The following TNK2 variants were observed in gnomAD, a reference collection of about 807,000 sequenced individuals.
TNK2 encodes the protein tyrosine kinase non receptor 2, also known as activated CDC42 kinase 1.
In TNK2, 83 loss-of-function variants were observed where a neutral mutation model predicts 101.8. The ratio of observed to expected loss-of-function variants is 0.82; its 90% CI spans 0.68 to 0.98. The LOEUF is 0.98. Among genes scored for constraint, TNK2 ranks in the 50% least tolerant of loss-of-function variants. The probability of loss-of-function intolerance (pLI) is 0.00; values close to 1 mark genes in which losing one functional copy is unlikely to be tolerated. For synonymous variants in TNK2, 804 were observed against 633.0 expected (o/e 1.27, Z -4.06); for missense variants, 1,665 against 1,483.2 (o/e 1.12, Z -2.01).
At position 195,867,358 on chromosome 3, in the gene TNK2, C is replaced by T. The variant is rs1404307318; in HGVS notation, c.2937+3G>A. ...TTCGCCCACAGCCAGGCTGGGTGCT[C>T]ACCATCTGGATCTTGTCTGCTGGCC... On this transcript the variant is annotated splice_donor_region_variant and intron_variant, in intron 13 of 15. Transcript: ENST00000672887. 2.5e-6 allele frequency: 4 copies of T among 1,607,582 alleles called. No individual in the cohort carries two copies. Among genetic ancestry groups the T allele is most frequent in the African/African-American group, 1.3e-5 (1 of 74,982 alleles).
At position 195,885,152 on chromosome 3, in the gene TNK2, T is replaced by A; in HGVS notation, c.235-119A>T. On this transcript the variant is annotated intron_variant, in intron 3 of 15. Transcript: ENST00000672887. This position sits in a 1 kb window ranked among gnomAD's most constrained non-coding sequence, Gnocchi z 4.7. ...TTCGGCTTCCAGATAGGTCCTGGTT[T>A]TGCCAAACTGTCAGTGGGGCAGCCT... 8.4e-7 allele frequency: 1 copy of A among 1,185,794 alleles called. No individual in the cohort carries two copies. Among genetic ancestry groups the A allele is most frequent in the Non-Finnish European group, 1.2e-6 (1 of 857,652 alleles). 73.5% of individuals were successfully genotyped at this position (1,185,794 alleles called of 1,614,324 possible).
At chr3:195,905,368 T>A (rs1235975337) in intron 1 of TNK2, among the ~76,000 whole-genome samples, 2 of 151,844 alleles carry the variant, frequency 1.3e-5, no homozygotes, top group Non-Finnish European at 2.9e-5. Flanking sequence ...CCTGGCTAAT[T>A]TTTTGTATTT....
chr3:195,879,103 C>T lies in TNK2; in HGVS notation c.960G>A (p.Leu320=). The T allele has an allele frequency of 1.9e-6, 3 of 1,613,916 alleles. No homozygotes were observed. Among genetic ancestry groups the T allele is most frequent in the Non-Finnish European group, 2.5e-6 (3 of 1,180,010 alleles). The change falls in exon 7 of 16, where the codon CTG becomes CTA. Residue 320 remains leucine (L), a synonymous_variant. Coordinates refer to ENST00000672887, the MANE Select transcript of TNK2 (RefSeq NM_001382273.1). The part of the protein sequence containing the change: ...ASDTWMFGVT[L]WEMFTYGQEP... ...CCTGGCCGTAGGTGAACATTTCCCA[C>T]AGTGTCACCCCGAACATCCAGGTGT...
intron 1 of TNK2, among the ~76,000 whole-genome samples, chr3:195,902,791 C>G (rs1761347973): frequency 6.6e-6 from 1 of 151,936 alleles, no homozygotes; most frequent in South Asian, 2.1e-4. Context: ...GCTCTGTCAC[C>G]CAGACTGGAG....
At chr3:195,880,725 C>A (rs1577057355) in intron 6 of TNK2, among the ~76,000 whole-genome samples, 3 of 81,426 alleles carry the variant, frequency 3.7e-5, no homozygotes, top group Admixed American at 1.1e-4. Flanking sequence ...AACACCCCCC[C>A]AGCAATGCCC....
chr3:195,897,082 G>C (rs1393813921), intron 1 of TNK2, among the ~76,000 whole-genome samples: 1 of 152,180 alleles, frequency 6.6e-6, no homozygotes, highest in African/African-American at 2.4e-5. Context: ...GATGAGGAGA[G>C]GGGGGCTTAC....
intron 1 of TNK2, among the ~76,000 whole-genome samples, chr3:195,889,770 G>T (rs1757610940): frequency 6.6e-6 from 1 of 152,170 alleles, no homozygotes; most frequent in African/African-American, 2.4e-5. Flanking sequence ...CGGACCCACC[G>T]CACAGCAAAC....
intron 1 of TNK2, among the ~76,000 whole-genome samples, chr3:195,893,428 G>T (rs115008136): frequency 6.6e-6 from 1 of 151,526 alleles, no homozygotes; most frequent in African/African-American, 2.4e-5. Flanking sequence ...TCCCAAACCC[G>T]CTCAAAACAA....
At chr3:195,883,363 G>A (rs1048310919) in intron 4 of TNK2, 54 bp from the exon 5 acceptor site, 94 of 1,600,118 alleles carry the variant, frequency 5.9e-5, no homozygotes, top group Admixed American at 4.3e-4. Flanking sequence ...CCAGACACGC[G>A]GAGCCAACCT....
chr3:195,867,738 G>A lies in TNK2; in HGVS notation c.2560C>T (p.Arg854Trp), dbSNP rs781059806. ...TPQVIQAPGP[R>W]AGPCILPIVR... is the part of the protein sequence containing the mutation. ...ATGGGCAGGATGCAGGGACCAGCCC[G>A]CGGGCCAGGGGCCTGGATCACCTGG... The change falls in exon 13 of 16, where the codon CGG (arginine) becomes TGG (tryptophan). Residue 854 changes from arginine to tryptophan, a missense_variant. Around this residue, in one of 3 missense-constraint regions of TNK2, gnomAD observed 1,136 missense variants for 894.9 expected, o/e 1.27. Transcript: ENST00000672887. 22 of 1,601,446 alleles carry A rather than the reference G, an allele frequency of 1.4e-5. No homozygotes were observed. Among genetic ancestry groups the A allele is most frequent in the East Asian group, 6.7e-5 (3 of 44,766 alleles).
rs761374510 is a variant in TNK2 at position 195,867,646 on chromosome 3, C to T, written c.2652G>A (p.Leu884=). The T allele has an allele frequency of 6.2e-7, 1 of 1,603,310 alleles. No individual in the cohort carries two copies. The highest frequency in any genetic ancestry group is 8.5e-7 in the Non-Finnish European group (1 of 1,179,554). Residue 884 remains leucine, a synonymous_variant, in exon 13 of 16, where the codon CTG becomes CTA. Transcript: ENST00000672887. The stretch of plus-strand genomic sequence containing the variant: ...CACGCAGGAAGCGCTGGTAGCGCTC[C>T]AGGTAGGATGGTCGCTCGGGCAGCA... ...YYLLPERPSY[L]ERYQRFLREA...
rs865888140 is a variant in TNK2 at position 195,885,100 on chromosome 3, C to T, written c.235-67G>A. The T allele has an allele frequency of 4.2e-5, 61 of 1,450,602 alleles. No individual in the cohort carries two copies. Among genetic ancestry groups the T allele is most frequent in the South Asian group, 2.3e-4 (17 of 72,836 alleles). The allele number at this position is 1,450,602 out of a possible 1,614,324, so 89.9% of individuals were successfully genotyped here. On this transcript the variant is annotated intron_variant, in intron 3 of 15. Coordinates refer to ENST00000672887, the MANE Select transcript of TNK2 (RefSeq NM_001382273.1). The surrounding 1 kb of genome is among the most constrained non-coding windows in gnomAD (Gnocchi z 4.7). ...CAGGGTCAGTCACTCAGTCCCACCC[C>T]GCTGGGTCCACCTGGTGATCCCCGG... is the stretch of plus-strand genomic sequence containing the variant.
intron 1 of TNK2, chr3:195,895,990 G>A: frequency 2.9e-6 from 1 of 344,270 alleles, no homozygotes; most frequent in Non-Finnish European, 5.6e-6. Context: ...AGGCCCCCGC[G>A]GCCGGTTCCC....
In TNK2 at chr3:195,879,263, CTTG is replaced by C. The variant is rs902603860; in HGVS notation, c.888-91_888-89del. ...ACTTAAAACACTCATGCAGCAAACACTTGTTGTGACCCCCTGTGCCAGGTTCAA... is the reference window on the plus strand; with the variant it reads ...ACTTAAAACACTCATGCAGCAAACACTTGTGACCCCCTGTGCCAGGTTCAA... On this transcript the variant is annotated intron_variant, in intron 6 of 15. Transcript: ENST00000672887. The C allele has an allele frequency of 9.0e-5, 141 of 1,565,420 alleles. 1 individual carries two copies. In the African/African-American group the frequency reaches 1.7e-3, roughly 18 times the overall value.
At chr3:195,893,011 A>C (rs2149765758) in intron 1 of TNK2, among the ~76,000 whole-genome samples, 1 of 151,992 alleles carries the variant, frequency 6.6e-6, no homozygotes, top group South Asian at 2.1e-4. Flanking sequence ...TCACAGTTGC[A>C]GACAACTCCT....
chr3:195,897,193 T>C (rs1374037601), intron 1 of TNK2, among the ~76,000 whole-genome samples: 1 of 152,244 alleles, frequency 6.6e-6, no homozygotes, highest in Non-Finnish European at 1.5e-5. Flanking sequence ...CCCAGGCTTC[T>C]GGAGCAAGGC....
chr3:195,871,598 G>A (rs1000317195), intron 10 of TNK2, among the ~76,000 whole-genome samples: 4 of 152,116 alleles, frequency 2.6e-5, no homozygotes, highest in East Asian at 1.9e-4. Flanking sequence ...AGCTCCCACC[G>A]GGTTCCTCCC....
Position 195,868,105 on chromosome 3 carries a change from C to T in TNK2, c.2193G>A (p.Arg731=), listed in dbSNP as rs756174378. ...IFQALQQECM[R]QLQAPAGSPA... ...GGGAGCCGGCCGGAGCCTGCAGTTG[C>T]CTCATGCACTCCTGCTGTAGCGCCT... Residue 731 remains arginine, a synonymous_variant, in exon 13 of 16, where the codon AGG becomes AGA. Coordinates refer to ENST00000672887, the MANE Select transcript of TNK2 (RefSeq NM_001382273.1). 2.5e-6 allele frequency: 4 copies of T among 1,611,208 alleles called. No individual in the cohort carries two copies. The highest frequency in any genetic ancestry group is 3.4e-6 in the Non-Finnish European group (4 of 1,179,394).
rs772225982 is a variant in TNK2 at position 195,867,277 on chromosome 3, ACC to A, written c.2938-15_2938-14del. 5.4e-4 allele frequency: 861 copies of A among 1,608,260 alleles called. No individual in the cohort carries two copies. Among genetic ancestry groups the A allele is most frequent in the Non-Finnish European group, 7.1e-4 (832 of 1,177,536 alleles). ...CCATGGCCTGCAGCTGGGCACACCC[ACC>A]CCTGTCAGCACCACTAGGGCCCACT... is the stretch of plus-strand genomic sequence containing the variant. On this transcript the variant is annotated splice_polypyrimidine_tract_variant and intron_variant, in intron 13 of 15. Transcript: ENST00000672887.
Sources: allele counts gnomAD v4.1 joint callset (sites outside exome capture counted in the v4.1 genomes callset), GRCh38; gene constraint gnomAD v4.1.1; regional missense constraint gnomAD v4.1.1; non-coding constraint Gnocchi (gnomAD v3.1); transcripts MANE v1.5; gene names NCBI Gene and HGNC (gene_info 2026-07-23, HGNC 2026-07-21).